PTPRG: variants seen among roughly 807,000 people sequenced by gnomAD.
The protein encoded by PTPRG is protein tyrosine phosphatase receptor type G, also known as receptor-type tyrosine-protein phosphatase gamma.
A neutral mutation model predicts 165.3 loss-of-function variants in PTPRG; 102 were observed. The ratio of observed to expected loss-of-function variants is 0.62; its 90% CI spans 0.53 to 0.73. The LOEUF is 0.73. Among genes scored for constraint, PTPRG ranks in the 30% least tolerant of loss-of-function variants. The probability of loss-of-function intolerance (pLI) is 0.00; values close to 1 mark genes in which losing one functional copy is unlikely to be tolerated. For missense variants in PTPRG, 1,866 were observed against 1,861.4 expected, an observed-to-expected ratio of 1.00 and a Z score of -0.05; for synonymous variants, 675 against 669.5, an observed-to-expected ratio of 1.01 and a Z score of -0.13.
intron 4 of PTPRG, among the ~76,000 whole-genome samples, chr3:62,044,387 A>C (rs2107808553): frequency 6.6e-6 from 1 of 152,224 alleles, no homozygotes; most frequent in Admixed American, 6.5e-5. Flanking sequence ...AAAAATACAA[A>C]AATTAGCCGG....
At chr3:61,882,007 T>C (rs774589312) in intron 2 of PTPRG, among the ~76,000 whole-genome samples, 2 of 152,336 alleles carry the variant, frequency 1.3e-5, no homozygotes, top group Non-Finnish European at 2.9e-5. Context: ...AGTCTCATGC[T>C]GGGGGTAAGA....
intron 4 of PTPRG, among the ~76,000 whole-genome samples, chr3:62,045,994 T>A (rs1559764793): frequency 6.6e-6 from 1 of 152,158 alleles, no homozygotes; most frequent in African/African-American, 2.4e-5. Flanking sequence ...AGGAGGTGGT[T>A]GATCTCTCCA....
intron 12 of PTPRG, among the ~76,000 whole-genome samples, chr3:62,205,682 A>G (rs1001141559): frequency 2.0e-5 from 3 of 152,186 alleles, no homozygotes; most frequent in Non-Finnish European, 4.4e-5. Context: ...AATTTGGATC[A>G]GTTGAGGAGC....
intron 2 of PTPRG, among the ~76,000 whole-genome samples, chr3:61,862,138 G>A (rs1327589603): frequency 6.6e-6 from 1 of 152,056 alleles, no homozygotes; most frequent in African/African-American, 2.4e-5. Context: ...TGACAGGAGC[G>A]CGAACCCTGT....
chr3:61,945,560 C>CAAAAAAA lies in PTPRG; in HGVS notation c.191-44042_191-44036dup, dbSNP rs71123242. 1.0e-3 allele frequency among the ~76,000 whole-genome samples: 58 copies of CAAAAAAA among 55,452 alleles called. 2 individuals carry two copies. The highest frequency in any genetic ancestry group is 1.2e-3 in the African/African-American group (17 of 14,340). The allele number at this position is 55,452 out of a possible 152,430, so 36.4% of individuals were successfully genotyped here. A position where few individuals can be genotyped will look rare whatever the true frequency, so the allele number is the denominator to read the frequency against. On this transcript the variant is annotated intron_variant, in intron 2 of 29. Transcript: ENST00000474889. ...GGCAATAGGAATGAAACTCCGTCAC[C>CAAAAAAA]AAAAAAAAAAAAAAAAAAAAAAAAA...
At position 62,203,494 on chromosome 3, in the gene PTPRG, G is replaced by C; in HGVS notation, c.1699G>C (p.Asp567His). Residue 567 changes from aspartate (D) to histidine (H), a missense_variant, in exon 12 of 30, where the codon GAT becomes CAT. Around this residue, in one of 3 missense-constraint regions of PTPRG, gnomAD observed 1,452 missense variants for 1,463.0 expected, o/e 0.99. Transcript: ENST00000474889. The surrounding 1 kb of genome is among the most constrained non-coding windows in gnomAD (Gnocchi z 6.4). Reference protein sequence around the residue: ...EALASPGPDGDSSPTKDGEGT... With the variant: ...EALASPGPDGHSSPTKDGEGT... ...CTTGGCTTCTCCAGGGCCCGATGGT[G>C]ATTCGTCACCAACCAAGGACGGCGA... is the stretch of plus-strand genomic sequence containing the variant. 1 of 1,567,194 alleles carries C rather than the reference G, an allele frequency of 6.4e-7. No homozygotes were observed. The highest frequency in any genetic ancestry group is 1.2e-5 in the South Asian group (1 of 86,214).
intron 6 of PTPRG, among the ~76,000 whole-genome samples, chr3:62,133,157 C>G (rs1025482016): frequency 1.2e-4 from 19 of 152,174 alleles, no homozygotes; most frequent in African/African-American, 4.6e-4. Flanking sequence ...CTCTTATCCT[C>G]AGGCATAAAA....
intron 1 of PTPRG, among the ~76,000 whole-genome samples, chr3:61,644,216 A>G (rs1055684806): frequency 6.6e-6 from 1 of 152,178 alleles, no homozygotes; most frequent in Non-Finnish European, 1.5e-5. Context: ...AGATGTGCCA[A>G]AGTTAACTTT....
At chr3:61,888,327 T>TTTTTTGTTTG (rs369117060) in intron 2 of PTPRG, among the ~76,000 whole-genome samples, 2 of 110,654 alleles carry the variant, frequency 1.8e-5, no homozygotes, top group Admixed American at 8.0e-5. Flanking sequence ...GGGTTGTTTT[T>TTTTTTGTTTG]TTTGTTTGTT....
At chr3:62,134,062 C>T (rs1355435655) in intron 6 of PTPRG, among the ~76,000 whole-genome samples, 1 of 152,148 alleles carries the variant, frequency 6.6e-6, no homozygotes, top group Non-Finnish European at 1.5e-5. Flanking sequence ...TTCTTCAGGG[C>T]TCTTACCTCC....
chr3:61,838,700 C>G (rs2036538298), intron 2 of PTPRG, among the ~76,000 whole-genome samples: 1 of 152,274 alleles, frequency 6.6e-6, no homozygotes, highest in Non-Finnish European at 1.5e-5. Flanking sequence ...CTGTAATGTT[C>G]CATATCAAAT....
At chr3:62,069,676 T>TCA (rs1387213197) in intron 4 of PTPRG, among the ~76,000 whole-genome samples, 5 of 38,498 alleles carry the variant, frequency 1.3e-4, no homozygotes, top group African/African-American at 3.2e-4. Context: ...TCTCTCTCTC[T>TCA]CTCTCTCTCA....
At chr3:61,937,380 G>A (rs530051220) in intron 2 of PTPRG, among the ~76,000 whole-genome samples, 1 of 152,066 alleles carries the variant, frequency 6.6e-6, no homozygotes, top group African/African-American at 2.4e-5. Flanking sequence ...AAGGTTCCTC[G>A]TGCTCTTTCA....
At chr3:62,045,193 C>G (rs1324524746) in intron 4 of PTPRG, among the ~76,000 whole-genome samples, 1 of 152,092 alleles carries the variant, frequency 6.6e-6, no homozygotes, top group Admixed American at 6.6e-5. Flanking sequence ...GTTGAATATT[C>G]GCTGTTCAAT....
In PTPRG at chr3:61,846,641, C is replaced by T. The variant is rs534459672; in HGVS notation, c.190+97659C>T. On this transcript the variant is annotated intron_variant, in intron 2 of 29. Coordinates refer to ENST00000474889, the MANE Select transcript of PTPRG (RefSeq NM_002841.4). ...AAAGAGAGACAATATTTTTATTGGG[C>T]GTGGTGGCTCATGCTTGTAATCCCA... Among the ~76,000 whole-genome samples the T allele has an allele frequency of 8.1e-5, 12 of 147,798 alleles. No individual in the cohort carries two copies. The South Asian group carries it at 2.5e-3, about 31-fold the overall frequency.
intron 5 of PTPRG, among the ~76,000 whole-genome samples, chr3:62,119,324 C>T (rs1423060834): frequency 1.3e-5 from 2 of 152,212 alleles, no homozygotes; most frequent in African/African-American, 2.4e-5. Flanking sequence ...AGTTAGCAAA[C>T]ATTTGGAATG....
intron 6 of PTPRG, among the ~76,000 whole-genome samples, chr3:62,134,903 G>A (rs1192736927): frequency 6.6e-6 from 1 of 152,194 alleles, no homozygotes; most frequent in African/African-American, 2.4e-5. Flanking sequence ...TGCCTTGATT[G>A]AGAAGAAAAA....
At chr3:61,606,898 A>G (rs907077377) in intron 1 of PTPRG, among the ~76,000 whole-genome samples, 18 of 152,240 alleles carry the variant, frequency 1.2e-4, no homozygotes, top group African/African-American at 4.3e-4. Flanking sequence ...CACTCTAACC[A>G]TAGCACCAGA....
rs1312681410 is a variant in PTPRG, at chr3:61,610,787, CTCT to C, written c.85+48416_85+48418del. Reference sequence around the variant, plus strand: ...CCTCCCTCCCTACCTCCCTCCCTCTCTCTCTCCATCTCTCTTTCTCTATCTCTC... The same window carrying C: ...CCTCCCTCCCTACCTCCCTCCCTCTCCTCCATCTCTCTTTCTCTATCTCTC... On this transcript the variant is annotated intron_variant, in intron 1 of 29. Transcript: ENST00000474889. Among the ~76,000 whole-genome samples, 257 of 145,870 alleles carry C rather than the reference CTCT, an allele frequency of 1.8e-3. 5 individuals are homozygous for C. Among genetic ancestry groups the C allele is most frequent in the African/African-American group, 6.3e-3 (246 of 38,742 alleles).
Sources: gnomAD v4.1 joint callset for allele counts (sites outside exome capture counted in the v4.1 genomes callset) on GRCh38, gnomAD v4.1.1 for gene constraint, gnomAD v4.1.1 regional missense constraint, Gnocchi (gnomAD v3.1) non-coding constraint, MANE v1.5 for transcripts, NCBI Gene and HGNC (gene_info 2026-07-23, HGNC 2026-07-21) for gene names.